Variants in COBLL1 observed in about 807,000 individuals in gnomAD.
COBLL1 encodes cordon-bleu protein-like 1.
Under a neutral mutation model 94.8 loss-of-function variants are expected in COBLL1, and 50 were observed. The observed-to-expected ratio is 0.53, with a 90% CI of 0.42 to 0.67. COBLL1 has a LOEUF of 0.67. COBLL1 is among the 30% of genes least tolerant of loss of function. COBLL1 has a pLI of 0.00. For missense variants in COBLL1, 1,362 were observed against 1,348.7 expected, an observed-to-expected ratio of 1.01 and a Z score of -0.15; for synonymous variants, 448 against 473.8, an observed-to-expected ratio of 0.95 and a Z score of 0.71.
chr2:164,674,450 T>A (rs1324040362), intron 1 of COBLL1, among the ~76,000 whole-genome samples: 1 of 152,108 alleles, frequency 6.6e-6, no homozygotes, highest in Non-Finnish European at 1.5e-5. Flanking sequence ...GACTCTAGAG[T>A]CAAAATGCCT....
intron 2 of COBLL1, among the ~76,000 whole-genome samples, chr2:164,753,577 C>T (rs890710585): frequency 6.6e-6 from 1 of 151,948 alleles, no homozygotes; most frequent in African/African-American, 2.4e-5. Context: ...ACTCTGCTGT[C>T]CAATATGGCG....
At chr2:164,663,581 A>C (rs887406116) in intron 2 of COBLL1, among the ~76,000 whole-genome samples, 2 of 152,226 alleles carry the variant, frequency 1.3e-5, no homozygotes, top group African/African-American at 4.8e-5. Context: ...TGGATAAAGA[A>C]TATGTGGTAC....
chr2:164,800,519 T>TA (rs1683714899), intron 2 of COBLL1: 1 of 701,186 alleles, frequency 1.4e-6, no homozygotes, highest in Admixed American at 2.0e-5. Context: ...AGTTTCTTAT[T>TA]AAATATACAC....
At chr2:164,749,794 T>C (rs1687037156) in intron 2 of COBLL1, among the ~76,000 whole-genome samples, 1 of 152,172 alleles carries the variant, frequency 6.6e-6, no homozygotes, top group Admixed American at 6.6e-5. Context: ...GACTCTCATA[T>C]TACATTTTTT....
At chr2:164,814,563 G>A (rs1450726290) in intron 2 of COBLL1, among the ~76,000 whole-genome samples, 1 of 152,030 alleles carries the variant, frequency 6.6e-6, no homozygotes, top group Non-Finnish European at 1.5e-5. Flanking sequence ...TACTGACGGA[G>A]AGTAAAACAA....
rs913361899 is a variant in COBLL1, at chr2:164,774,195, T to G, written c.42-30320A>C. 3.9e-5 allele frequency among the ~76,000 whole-genome samples: 6 copies of G among 152,068 alleles called. No homozygotes were observed. The South Asian group carries it at 6.2e-4, about 16-fold the overall frequency. On this transcript the variant is annotated intron_variant, in intron 2 of 13. Transcript: ENST00000652658. The stretch of plus-strand genomic sequence containing the variant: ...AAAGCTGAGTATATAAAAATAAAAT[T>G]CAGAGAAAAAAGCAGGCATTTAATT...
At chr2:164,779,074 G>T (rs79837223) in intron 2 of COBLL1, among the ~76,000 whole-genome samples, 1 of 151,790 alleles carries the variant, frequency 6.6e-6, no homozygotes, top group African/African-American at 2.4e-5. Flanking sequence ...TTTAAGTTTC[G>T]CAGTCTCCAA....
Position 164,692,343 on chromosome 2 carries a change from C to T in COBLL1, c.3178G>A (p.Gly1060Ser). Residue 1060 changes from glycine to serine, a missense_variant, in exon 13 of 14, where the codon GGC (glycine) becomes AGC (serine). Physicochemically the swap from Gly to Ser is moderately conservative, Grantham distance 56. Coordinates refer to ENST00000652658, the MANE Select transcript of COBLL1 (RefSeq NM_001365672.2). ...QNSQIPTPTD[G>S]PSFTVMRQSS... ...TGTCTCATAACAGTGAATGATGGGC[C>T]ATCAGTTGGAGTTGGTATTTGGGAA... is the stretch of plus-strand genomic sequence containing the variant. The T allele has an allele frequency of 6.2e-7, 1 of 1,613,254 alleles. No homozygotes were observed. Among genetic ancestry groups the T allele is most frequent in the Non-Finnish European group, 8.5e-7 (1 of 1,179,476 alleles).
intron 2 of COBLL1, chr2:164,773,752 C>T: frequency 7.7e-7 from 1 of 1,297,558 alleles, no homozygotes; most frequent in Non-Finnish European, 1.0e-6. Context: ...TCCTCTAGCG[C>T]TTTACTTTTA....
chr2:164,731,573 T>C (rs1558962400), intron 3 of COBLL1, among the ~76,000 whole-genome samples: 1 of 152,222 alleles, frequency 6.6e-6, no homozygotes. Flanking sequence ...AAACTGTTAG[T>C]TCACACTTAA....
In COBLL1 at chr2:164,734,196, GATGGTGTTAC is replaced by G. The variant is rs1686173741; in HGVS notation, c.231-4091_231-4082del. ...AACAAGTAAAATATATAAAATATCA[GATGGTGTTAC>G]ATGCTCTGACAAAAAAAAAAAAAAT... On this transcript the variant is annotated intron_variant, in intron 3 of 13. Coordinates refer to ENST00000652658, the MANE Select transcript of COBLL1 (RefSeq NM_001365672.2). Among the ~76,000 whole-genome samples, 6 of 148,674 alleles carry G rather than the reference GATGGTGTTAC, an allele frequency of 4.0e-5. No homozygotes were observed. The South Asian group carries it at 1.3e-3, about 31-fold the overall frequency.
chr2:164,701,745 A>G (rs1166544997), intron 9 of COBLL1, among the ~76,000 whole-genome samples: 1 of 152,182 alleles, frequency 6.6e-6, no homozygotes. Context: ...TGAGCAGTTA[A>G]TGTTCATGCT....
chr2:164,816,291 T>C (rs1411636991), intron 2 of COBLL1, among the ~76,000 whole-genome samples: 1 of 152,018 alleles, frequency 6.6e-6, no homozygotes, highest in African/African-American at 2.4e-5. Context: ...AACTCCCCAG[T>C]CTTCAGAAGC....
Position 164,694,497 on chromosome 2 carries a change from T to G in COBLL1, c.2895A>C (p.Thr965=). The change falls in exon 12 of 14, where the codon ACA becomes ACC. Residue 965 remains threonine (T), a synonymous_variant. Transcript: ENST00000652658. ...PVTIPASQVS[T]QNLKTLKTFG... Reference sequence around the variant, plus strand: ...AAGTTTTCAAAGTCTTCAGATTTTGTGTGGATACCTGACTAGCAGGAATTG... The same window carrying G: ...AAGTTTTCAAAGTCTTCAGATTTTGGGTGGATACCTGACTAGCAGGAATTG... 1 of 1,613,974 alleles carries G rather than the reference T, an allele frequency of 6.2e-7. No homozygotes were observed.
chr2:164,841,933 G>A (rs1028392672), upstream of COBLL1: 2 of 1,522,010 alleles, frequency 1.3e-6, no homozygotes, highest in South Asian at 1.2e-5. The surrounding 1 kb of genome is among the most constrained non-coding windows in gnomAD (Gnocchi z 5.5). Context: ...TGGGGGCCTC[G>A]CTGGAGCCCG....
At position 164,685,306 on chromosome 2, in the gene COBLL1, CAA is replaced by C. The variant is rs1683224873; in HGVS notation, c.*638_*639del. 1 of 151,862 alleles carries C rather than the reference CAA, an allele frequency of 6.6e-6. No homozygotes were observed. Among genetic ancestry groups the C allele is most frequent in the South Asian group, 2.1e-4 (1 of 4,806 alleles). 9.4% of individuals were successfully genotyped at this position (151,862 alleles called of 1,614,324 possible). A position where few individuals can be genotyped will look rare whatever the true frequency, so the allele number is the denominator to read the frequency against. Reference sequence around the variant, plus strand: ...ATTTAAGTTCTAAAGATTAAAAAAACAAGAGTTCCATGTTAATAAAATATTAA... The same window carrying C: ...ATTTAAGTTCTAAAGATTAAAAAAACGAGTTCCATGTTAATAAAATATTAA... On this transcript the variant is annotated 3_prime_UTR_variant, in exon 14 of 14. Coordinates refer to ENST00000652658, the MANE Select transcript of COBLL1 (RefSeq NM_001365672.2).
chr2:164,803,566 A>AT (rs1683929976), intron 2 of COBLL1, among the ~76,000 whole-genome samples: 1 of 134,578 alleles, frequency 7.4e-6, no homozygotes, highest in Non-Finnish European at 1.6e-5. Context: ...CTCTGTCTCA[A>AT]AAATAAATAA....
chr2:164,721,780 T>C (rs1685456459), intron 7 of COBLL1: 2 of 182,456 alleles, frequency 1.1e-5, no homozygotes, highest in Non-Finnish European at 2.3e-5. Flanking sequence ...AGTTAGGCCT[T>C]AGTAAACCAA....
chr2:164,686,352 T>C (rs1015118156), intron 13 of COBLL1, among the ~76,000 whole-genome samples: 2 of 152,158 alleles, frequency 1.3e-5, no homozygotes, highest in Admixed American at 1.3e-4. Context: ...GCTAGATTAA[T>C]TCTGTAATTC....
Sources: gnomAD v4.1 joint callset for allele counts (sites outside exome capture counted in the v4.1 genomes callset) on GRCh38, gnomAD v4.1.1 for gene constraint, Gnocchi (gnomAD v3.1) non-coding constraint, MANE v1.5 for transcripts, NCBI Gene and HGNC (gene_info 2026-07-23, HGNC 2026-07-21) for gene names.